Variants in SATL1 observed in about 807,000 individuals in gnomAD.
SATL1 encodes the protein spermidine/spermine N(1)-acetyltransferase-like protein 1.
In SATL1, 47 loss-of-function variants were observed where a neutral mutation model predicts 51.8. That is an observed-to-expected ratio of 0.91 (90% CI 0.72 to 1.16). The LOEUF (loss-of-function observed/expected upper bound fraction) is 1.16. SATL1 is among the 50% of genes most tolerant of loss of function. SATL1 has a pLI of 0.00. For synonymous variants in SATL1, 176 were observed against 182.4 expected (o/e 0.97, Z 0.28); for missense variants, 520 against 526.4 (o/e 0.99, Z 0.12).
At chrX:85,112,989 C>CTGTAACTGCTTCCTTTT (rs1925294935) in intron 2 of SATL1, among the ~76,000 whole-genome samples, 1 of 111,378 alleles carries the variant, frequency 9.0e-6, no homozygotes, top group South Asian at 3.8e-4. Context: ...AGTAAGTCTT[C>CTGTAACTGCTTCCTTTT]TGTAACTGCT....
chrX:85,113,913 A>AGT (rs1291851871), intron 2 of SATL1, among the ~76,000 whole-genome samples: 1 of 111,506 alleles, frequency 9.0e-6, no homozygotes, highest in Non-Finnish European at 1.9e-5. Context: ...CCCGTCAGAA[A>AGT]GTGACATTCT....
In SATL1 at chrX:85,144,531, G is replaced by T. The variant is rs1926184984; in HGVS notation, c.-312-35251C>A. 2.7e-5 allele frequency among the ~76,000 whole-genome samples: 3 copies of T among 111,752 alleles called. No homozygotes were observed. In the South Asian group the frequency reaches 1.1e-3, roughly 42 times the overall value. On this transcript the variant is annotated intron_variant, in intron 2 of 7. Transcript: ENST00000644105. ...TTCTTTGTGTTTAGGCTGGAGGAAG[G>T]TTAAAATAGTTTTCCTTTTCTTGGA...
chrX:85,186,437 T>C (rs1927315537), intron 2 of SATL1, among the ~76,000 whole-genome samples: 1 of 110,745 alleles, frequency 9.0e-6, no homozygotes, highest in Admixed American at 9.7e-5. Context: ...TCAGTCCTTT[T>C]GGCCTAGACT....
At chrX:85,100,471 A>G (rs1413155260) in intron 4 of SATL1, among the ~76,000 whole-genome samples, 2 of 111,987 alleles carry the variant, frequency 1.8e-5, no homozygotes, top group Admixed American at 1.9e-4. Flanking sequence ...TTGAATACCT[A>G]GGAATAAATC....
intron 2 of SATL1, among the ~76,000 whole-genome samples, chrX:85,127,907 G>C (rs1343608364): frequency 3.6e-5 from 4 of 110,775 alleles, no homozygotes; most frequent in African/African-American, 9.9e-5. Flanking sequence ...TCGGTTTTCT[G>C]TCCTTGTGAT....
At chrX:85,130,579 G>C (rs1485030071) in intron 2 of SATL1, among the ~76,000 whole-genome samples, 1 of 110,789 alleles carries the variant, frequency 9.0e-6, no homozygotes, top group Non-Finnish European at 1.9e-5. Flanking sequence ...CAATTTTGTT[G>C]ATGTTTTCAA....
chrX:85,230,979 TTATGGAAAAAG>T (rs1928370530), intron 1 of SATL1, among the ~76,000 whole-genome samples: 1 of 111,580 alleles, frequency 9.0e-6, no homozygotes. Flanking sequence ...GGTATGGCCA[TTATGGAAAAAG>T]TATGGAAGTT....
chrX:85,186,728 G>T (rs1876408496), intron 2 of SATL1, among the ~76,000 whole-genome samples: 1 of 111,804 alleles, frequency 8.9e-6, no homozygotes, highest in African/African-American at 3.3e-5. Flanking sequence ...GGTGGTGTAG[G>T]TTATTCAAGA....
intron 2 of SATL1, among the ~76,000 whole-genome samples, chrX:85,134,563 G>C (rs1490113958): frequency 9.0e-6 from 1 of 111,713 alleles, no homozygotes; most frequent in Non-Finnish European, 1.9e-5. Context: ...TGCTGTGCTA[G>C]AGATATGCAG....
intron 4 of SATL1, among the ~76,000 whole-genome samples, chrX:85,097,117 AAC>A (rs1396491365): frequency 9.0e-6 from 1 of 111,217 alleles, no homozygotes. Flanking sequence ...ATTTTTTTCA[AAC>A]ACAGATCAAA....
intron 2 of SATL1, among the ~76,000 whole-genome samples, chrX:85,184,409 A>C (rs966071689): frequency 3.6e-5 from 4 of 111,047 alleles, no homozygotes; most frequent in Non-Finnish European, 7.6e-5. Flanking sequence ...CTTTTGAATA[A>C]ACTTTCTACC....
At chrX:85,118,998 T>G (rs1307066848) in intron 2 of SATL1, among the ~76,000 whole-genome samples, 2 of 111,968 alleles carry the variant, frequency 1.8e-5, no homozygotes, top group Non-Finnish European at 3.8e-5. Context: ...AAAAAATTAT[T>G]ATCATTCAAC....
chrX:85,104,011 T>C (rs1317056704), intron 3 of SATL1, 96 bp from the exon 4 acceptor site: 1 of 636,343 alleles, frequency 1.6e-6, no homozygotes, highest in African/African-American at 2.2e-5. Flanking sequence ...TATTGACATG[T>C]GACGTCCTGG....
intron 2 of SATL1, among the ~76,000 whole-genome samples, chrX:85,201,182 CT>C (rs1261627478): frequency 9.0e-6 from 1 of 111,146 alleles, no homozygotes; most frequent in East Asian, 2.8e-4. Context: ...GCACTCATGC[CT>C]GTGTGTGGGG....
intron 2 of SATL1, among the ~76,000 whole-genome samples, chrX:85,157,672 A>C (rs2147726286): frequency 9.0e-6 from 1 of 111,512 alleles, no homozygotes; most frequent in African/African-American, 3.3e-5. Flanking sequence ...ATTGTGGATA[A>C]AATTCATGAG....
intron 4 of SATL1, among the ~76,000 whole-genome samples, chrX:85,101,929 A>T (rs1025361697): frequency 9.1e-6 from 1 of 110,306 alleles, no homozygotes; most frequent in Non-Finnish European, 1.9e-5. Flanking sequence ...ACACAAGGAC[A>T]AATATATATT....
chrX:85,163,720 A>T, intron 2 of SATL1, among the ~76,000 whole-genome samples: 1 of 111,756 alleles, frequency 8.9e-6, no homozygotes, highest in Non-Finnish European at 1.9e-5. Flanking sequence ...TGATGAAAAG[A>T]ATGCATATTC....
intron 4 of SATL1, among the ~76,000 whole-genome samples, chrX:85,095,642 C>T (rs969577510): frequency 1.9e-5 from 2 of 105,773 alleles, no homozygotes; most frequent in East Asian, 3.0e-4. Flanking sequence ...CCGGCTAAAA[C>T]GGTGAAACCC....
intron 2 of SATL1, among the ~76,000 whole-genome samples, chrX:85,123,013 G>A (rs931110054): frequency 2.7e-5 from 3 of 111,684 alleles, no homozygotes; most frequent in African/African-American, 9.8e-5. Context: ...TGACTGCACA[G>A]AATTCTGTGA....
Sources: allele counts gnomAD v4.1 joint callset (sites outside exome capture counted in the v4.1 genomes callset), GRCh38; gene constraint gnomAD v4.1.1; transcripts MANE v1.5; gene names NCBI Gene and HGNC (gene_info 2026-07-23, HGNC 2026-07-21).